MAN1A2: variants seen among roughly 807,000 people sequenced by gnomAD.
MAN1A2 encodes mannosyl-oligosaccharide 1,2-alpha-mannosidase IB.
A neutral mutation model predicts 75.7 loss-of-function variants in MAN1A2; 26 were observed. The ratio of observed to expected loss-of-function variants is 0.34; its 90% confidence interval spans 0.25 to 0.48. The LOEUF is 0.48. Among genes scored for constraint, MAN1A2 ranks in the 20% least tolerant of loss-of-function variants. The pLI, the probability that MAN1A2 is intolerant of heterozygous loss-of-function variation, is 0.99. For missense variants in MAN1A2, 562 were observed against 775.5 expected (o/e 0.72, Z 3.27); for synonymous variants, 247 against 264.6 (o/e 0.93, Z 0.65).
intron 8 of MAN1A2, among the ~76,000 whole-genome samples, chr1:117,470,068 G>A (rs1650099829): frequency 6.6e-6 from 1 of 152,032 alleles, no homozygotes; most frequent in African/African-American, 2.4e-5. Flanking sequence ...TAACTCAAAT[G>A]TCCAACAGAT....
At chr1:117,401,168 A>G (rs1203558174) in intron 1 of MAN1A2, among the ~76,000 whole-genome samples, 1 of 144,502 alleles carries the variant, frequency 6.9e-6, no homozygotes, top group Non-Finnish European at 1.5e-5. Context: ...TTTTTCAGTG[A>G]TCATAAGTCT....
intron 8 of MAN1A2, among the ~76,000 whole-genome samples, chr1:117,490,595 T>G (rs1650848219): frequency 6.6e-6 from 1 of 152,144 alleles, no homozygotes; most frequent in Non-Finnish European, 1.5e-5. Context: ...GCATCAATAT[T>G]AATCTTTCAA....
chr1:117,470,547 A>G (rs1650116675), intron 8 of MAN1A2, among the ~76,000 whole-genome samples: 1 of 152,076 alleles, frequency 6.6e-6, no homozygotes, highest in African/African-American at 2.4e-5. Flanking sequence ...TTTTCCTCAC[A>G]AAATAAATTC....
At chr1:117,514,191 C>T (rs1046336217) in intron 12 of MAN1A2, among the ~76,000 whole-genome samples, 4 of 150,964 alleles carry the variant, frequency 2.6e-5, no homozygotes, top group South Asian at 2.1e-4. Context: ...GGTGAAACCC[C>T]GTCTCTACTA....
Position 117,451,277 on chromosome 1 carries a change from C to A in MAN1A2, c.950+8952C>A, listed in dbSNP as rs900914848. 6.6e-5 allele frequency among the ~76,000 whole-genome samples: 10 copies of A among 152,196 alleles called. 1 individual carries two copies. The highest frequency in any genetic ancestry group is 1.5e-4 in the Non-Finnish European group (10 of 68,028). ...GGGGCCTGTAGCCCTTTGTTTTGGC[C>A]AATTTATCCCATTTGGAATGGCTGT... is the stretch of plus-strand genomic sequence containing the variant. On this transcript the variant is annotated intron_variant, in intron 6 of 12. Transcript: ENST00000356554.
intron 12 of MAN1A2, among the ~76,000 whole-genome samples, chr1:117,503,237 C>T (rs1651256128): frequency 1.3e-5 from 2 of 151,466 alleles, no homozygotes; most frequent in African/African-American, 2.4e-5. Flanking sequence ...TGGAAGGCTT[C>T]GTAATACACA....
At chr1:117,482,027 A>C (rs919514490) in intron 8 of MAN1A2, among the ~76,000 whole-genome samples, 2 of 151,890 alleles carry the variant, frequency 1.3e-5, no homozygotes, top group Non-Finnish European at 2.9e-5. Flanking sequence ...AAACTATGGG[A>C]GACCAGCCTG....
In MAN1A2 at chr1:117,383,596, A is replaced by G. The variant is rs186353543; in HGVS notation, c.302+15111A>G. ...AAGCTATCTGGTTCTGGGCTTTTCT[A>G]TTTTGGGTGGTTTTTGCTTCTTGAT... On this transcript the variant is annotated intron_variant, in intron 1 of 12. Coordinates refer to ENST00000356554, the MANE Select transcript of MAN1A2 (RefSeq NM_006699.5). 2.3e-3 allele frequency among the ~76,000 whole-genome samples: 351 copies of G among 152,108 alleles called. 7 individuals are homozygous for G. The highest frequency in any genetic ancestry group is 1.3e-3 in the Non-Finnish European group (90 of 67,968).
chr1:117,485,911 A>G (rs1236090780), intron 8 of MAN1A2, among the ~76,000 whole-genome samples: 4 of 151,986 alleles, frequency 2.6e-5, no homozygotes, highest in Admixed American at 6.6e-5. Context: ...AGTATTCTAC[A>G]TAGAAAGCAG....
At chr1:117,505,648 TC>T (rs1207520113) in intron 12 of MAN1A2, among the ~76,000 whole-genome samples, 1 of 151,266 alleles carries the variant, frequency 6.6e-6, no homozygotes, top group Non-Finnish European at 1.5e-5. Context: ...GCATTGCACT[TC>T]CTGGCAGTAC....
intron 6 of MAN1A2, among the ~76,000 whole-genome samples, chr1:117,447,823 G>T (rs1357847123): frequency 6.6e-6 from 1 of 151,836 alleles, no homozygotes; most frequent in Non-Finnish European, 1.5e-5. Context: ...ACATTTTTTT[G>T]CTATTAGTAG....
At chr1:117,465,761 A>G (rs564450155) in intron 7 of MAN1A2, among the ~76,000 whole-genome samples, 3 of 152,120 alleles carry the variant, frequency 2.0e-5, no homozygotes, top group Non-Finnish European at 2.9e-5. Context: ...GCTTCTTAAT[A>G]TATTTCATGA....
At chr1:117,447,357 A>AC (rs1370507714) in intron 6 of MAN1A2, among the ~76,000 whole-genome samples, 1 of 152,138 alleles carries the variant, frequency 6.6e-6, no homozygotes, top group Non-Finnish European at 1.5e-5. Context: ...ATTCTGTATT[A>AC]GTGAACTATT....
chr1:117,382,494 A>G (rs1320551745), intron 1 of MAN1A2, among the ~76,000 whole-genome samples: 4 of 152,054 alleles, frequency 2.6e-5, no homozygotes, highest in Admixed American at 2.6e-4. Flanking sequence ...ATAGTTGTAG[A>G]TATGCGGCAT....
chr1:117,445,894 AT>A (rs1268931852), intron 6 of MAN1A2, among the ~76,000 whole-genome samples: 2 of 144,112 alleles, frequency 1.4e-5, no homozygotes, highest in Non-Finnish European at 3.0e-5. Flanking sequence ...GTATATATAT[AT>A]ATATGTATAT....
chr1:117,369,191 G>A (rs1192464755), intron 1 of MAN1A2, among the ~76,000 whole-genome samples: 1 of 152,112 alleles, frequency 6.6e-6, no homozygotes, highest in African/African-American at 2.4e-5. Flanking sequence ...GTAATAGATG[G>A]ACTGTGTCAA....
chr1:117,511,053 G>A lies in MAN1A2; in HGVS notation c.1793+8083G>A, dbSNP rs941663015. Among the ~76,000 whole-genome samples the A allele has an allele frequency of 3.9e-5, 6 of 152,022 alleles. No homozygotes were observed. In the South Asian group the frequency reaches 1.2e-3, roughly 31 times the overall value. ...TTGACTCACAGTTCTGCATAACTGG[G>A]GAAGCCTCAGGAAGCTTAAATCGTG... On this transcript the variant is annotated intron_variant, in intron 12 of 12. Transcript: ENST00000356554.
Position 117,502,841 on chromosome 1 carries a change from G to C in MAN1A2, c.1678-14G>C, listed in dbSNP as rs1164789616. The C allele has an allele frequency of 2.6e-5, 36 of 1,387,204 alleles. No homozygotes were observed. The highest frequency in any genetic ancestry group is 3.5e-5 in the Non-Finnish European group (34 of 981,208). 85.9% of individuals were successfully genotyped at this position (1,387,204 alleles called of 1,614,324 possible). On this transcript the variant is annotated splice_polypyrimidine_tract_variant and intron_variant, in intron 11 of 12. Transcript: ENST00000356554. ...TTCTACGGAATTGCTTATTTTGTCT[G>C]ATCTCTTTCATAGGCCATTGAAAAG...
intron 3 of MAN1A2, among the ~76,000 whole-genome samples, chr1:117,411,731 G>A (rs1647825184): frequency 6.6e-6 from 1 of 151,684 alleles, no homozygotes; most frequent in African/African-American, 2.4e-5. Context: ...TAGCCAGTAA[G>A]CACATCAATA....
Sources: allele counts gnomAD v4.1 joint callset (sites outside exome capture counted in the v4.1 genomes callset), GRCh38; gene constraint gnomAD v4.1.1; transcripts MANE v1.5; gene names NCBI Gene and HGNC (gene_info 2026-07-23, HGNC 2026-07-21).